The following OPCML variants were observed in gnomAD, a reference collection of about 807,000 sequenced individuals.
The protein encoded by OPCML is opioid binding protein/cell adhesion molecule like, also known as opioid-binding protein/cell adhesion molecule.
A neutral mutation model predicts 37.8 loss-of-function variants in OPCML; 13 were observed. The observed-to-expected ratio is 0.34, with a 90% CI of 0.22 to 0.55. OPCML has a LOEUF of 0.55. OPCML is among the 20% of genes least tolerant of loss of function. The probability of loss-of-function intolerance (pLI) is 0.91; values close to 1 mark genes in which losing one functional copy is unlikely to be tolerated. For synonymous variants in OPCML, 176 were observed against 168.8 expected (o/e 1.04, Z -0.33); for missense variants, 341 against 435.6 (o/e 0.78, Z 1.93).
At chr11:133,306,062 T>C (rs996341063) in intron 1 of OPCML, among the ~76,000 whole-genome samples, 1 of 152,192 alleles carries the variant, frequency 6.6e-6, no homozygotes, top group Non-Finnish European at 1.5e-5. Flanking sequence ...GAAGTACTTT[T>C]CTATTATCTT....
chr11:132,520,320 T>C (rs965344022), intron 4 of OPCML, among the ~76,000 whole-genome samples: 3 of 152,216 alleles, frequency 2.0e-5, no homozygotes, highest in African/African-American at 4.8e-5. Flanking sequence ...TTCATAAAGC[T>C]ACCATTTTAG....
intron 2 of OPCML, among the ~76,000 whole-genome samples, chr11:132,747,143 C>A (rs1945660291): frequency 1.3e-5 from 2 of 152,042 alleles, no homozygotes; most frequent in Admixed American, 6.5e-5. Context: ...CAGATTATGA[C>A]AAAGTTCCAA....
intron 1 of OPCML, among the ~76,000 whole-genome samples, chr11:133,279,711 A>G (rs1196583889): frequency 6.6e-6 from 1 of 152,170 alleles, no homozygotes; most frequent in Non-Finnish European, 1.5e-5. Flanking sequence ...TGCATTATTG[A>G]AATATGTCTT....
At chr11:133,278,718 C>T (rs1942060909) in intron 1 of OPCML, among the ~76,000 whole-genome samples, 4 of 151,846 alleles carry the variant, frequency 2.6e-5, no homozygotes, top group South Asian at 2.1e-4. Context: ...TAGCAACAAA[C>T]CTCATCTTTT....
chr11:133,084,568 T>C (rs1450280443), intron 1 of OPCML, among the ~76,000 whole-genome samples: 1 of 152,190 alleles, frequency 6.6e-6, no homozygotes, highest in Non-Finnish European at 1.5e-5. Flanking sequence ...ATATTCGGCT[T>C]GGCTTGGAAG....
chr11:132,591,194 T>C (rs1031259586), intron 3 of OPCML, among the ~76,000 whole-genome samples: 11 of 151,914 alleles, frequency 7.2e-5, no homozygotes, highest in Non-Finnish European at 1.3e-4. Flanking sequence ...CCCTTTGGAG[T>C]TGCTGTGGAA....
intron 1 of OPCML, among the ~76,000 whole-genome samples, chr11:133,416,161 TCTGA>T (rs1945759561): frequency 6.6e-6 from 1 of 151,908 alleles, no homozygotes; most frequent in Non-Finnish European, 1.5e-5. Flanking sequence ...ATACTGCCTA[TCTGA>T]CTGCCCTGCA....
chr11:132,491,101 G>A (rs973720778), intron 4 of OPCML, among the ~76,000 whole-genome samples: 10 of 152,136 alleles, frequency 6.6e-5, no homozygotes, highest in African/African-American at 2.4e-4. Flanking sequence ...CCACGTGTAT[G>A]CTCCCATGAT....
At chr11:133,502,735 T>G (rs1947943252) in intron 1 of OPCML, among the ~76,000 whole-genome samples, 1 of 152,220 alleles carries the variant, frequency 6.6e-6, no homozygotes, top group Non-Finnish European at 1.5e-5. Flanking sequence ...CTTCCTAGCC[T>G]GGGGACAGGT....
intron 1 of OPCML, among the ~76,000 whole-genome samples, chr11:133,476,336 G>C (rs1947237899): frequency 6.6e-6 from 1 of 151,858 alleles, no homozygotes. Flanking sequence ...AGTGAGTAAA[G>C]AGAGAGAAGA....
chr11:133,198,993 A>C (rs1343671776), intron 1 of OPCML, among the ~76,000 whole-genome samples: 3 of 152,222 alleles, frequency 2.0e-5, no homozygotes, highest in Non-Finnish European at 4.4e-5. Flanking sequence ...TCTCCTGTAC[A>C]CCAAGAAACA....
rs1443613800 is a variant in OPCML, at chr11:133,506,832, C to T, written c.61+25432G>A. Among the ~76,000 whole-genome samples the T allele has an allele frequency of 1.3e-5, 2 of 152,226 alleles. 1 individual carries two copies. Among genetic ancestry groups the T allele is most frequent in the South Asian group, 4.1e-4 (2 of 4,830 alleles). Reference sequence around the variant, plus strand: ...TGTCCTGGGGCAGAAGGCAGGAGAACGCACTCGGTGCACGCCTTCAAAGCT... The same window carrying T: ...TGTCCTGGGGCAGAAGGCAGGAGAATGCACTCGGTGCACGCCTTCAAAGCT... On this transcript the variant is annotated intron_variant, in intron 1 of 7. Transcript: ENST00000524381.
chr11:132,809,482 G>A (rs1939203450), intron 2 of OPCML, among the ~76,000 whole-genome samples: 1 of 152,078 alleles, frequency 6.6e-6, no homozygotes, highest in Non-Finnish European at 1.5e-5. Context: ...AAGTTCATGT[G>A]GGTGTACGGA....
chr11:133,439,289 G>C (rs1014211533), intron 1 of OPCML: 187 of 901,590 alleles, frequency 2.1e-4, no homozygotes, highest in Non-Finnish European at 2.3e-4. Flanking sequence ...GAGAGTAAAA[G>C]ATGTTTTTTT....
intron 2 of OPCML, among the ~76,000 whole-genome samples, chr11:132,705,467 C>T (rs1939511): frequency 0.43 from 64,503 of 151,582 alleles, 13,974 homozygotes; most frequent in Admixed American, 0.5. Context: ...GTGTCATGTG[C>T]CTGTAGTCCC....
At chr11:132,779,354 C>T (rs139302364) in intron 2 of OPCML, among the ~76,000 whole-genome samples, 3 of 152,094 alleles carry the variant, frequency 2.0e-5, no homozygotes, top group East Asian at 1.9e-4. Context: ...TAATATTAGT[C>T]GAGATAAGGG....
intron 3 of OPCML, among the ~76,000 whole-genome samples, chr11:132,582,682 C>T (rs1261113186): frequency 6.6e-6 from 1 of 151,926 alleles, no homozygotes; most frequent in African/African-American, 2.4e-5. Flanking sequence ...CGAAAGTTTC[C>T]AGGACATTTT....
At chr11:133,131,555 A>T (rs937449238) in intron 1 of OPCML, among the ~76,000 whole-genome samples, 3 of 152,188 alleles carry the variant, frequency 2.0e-5, no homozygotes, top group East Asian at 1.9e-4. Context: ...ACTCTCAATC[A>T]TTGCTGGTGG....
intron 2 of OPCML, among the ~76,000 whole-genome samples, chr11:132,787,684 A>G (rs1452725798): frequency 6.6e-6 from 1 of 152,086 alleles, no homozygotes; most frequent in Non-Finnish European, 1.5e-5. Context: ...GTGAATTCCT[A>G]TGTTTGACTT....
Sources: gnomAD v4.1 joint callset for allele counts (sites outside exome capture counted in the v4.1 genomes callset) on GRCh38, gnomAD v4.1.1 for gene constraint, MANE v1.5 for transcripts, NCBI Gene and HGNC (gene_info 2026-07-23, HGNC 2026-07-21) for gene names.